FBXO17: variants seen among roughly 807,000 people sequenced by gnomAD.
The protein encoded by FBXO17 is F-box protein 17.
FBXO17 carries 43 observed loss-of-function variants against 34.1 expected under a neutral mutation model. The ratio of observed to expected loss-of-function variants is 1.26; its 90% CI spans 0.99 to 1.62. FBXO17 has a LOEUF of 1.62. FBXO17 is among the 40% of genes most tolerant of loss of function. The probability of loss-of-function intolerance (pLI) is 0.00; values close to 1 mark genes in which losing one functional copy is unlikely to be tolerated. For synonymous variants in FBXO17, 169 were observed against 166.0 expected (o/e 1.02, Z -0.14); for missense variants, 424 against 386.7 (o/e 1.10, Z -0.81).
chr19:38,957,866 T>G (rs886299606), intron 1 of FBXO17, among the ~76,000 whole-genome samples: 26 of 151,224 alleles, frequency 1.7e-4, no homozygotes, highest in Non-Finnish European at 3.1e-4. Context: ...CTTTGGGAGG[T>G]GGAGGCGGGA....
chr19:38,942,521 T>C lies in FBXO17; in HGVS notation c.*87A>G. 2 of 1,389,808 alleles carry C rather than the reference T, an allele frequency of 1.4e-6. No individual in the cohort carries two copies. Among genetic ancestry groups the C allele is most frequent in the Non-Finnish European group, 1.9e-6 (2 of 1,059,346 alleles). The allele number at this position is 1,389,808 out of a possible 1,614,324, so 86.1% of individuals were successfully genotyped here. A position where few individuals can be genotyped will look rare whatever the true frequency, so the allele number is the denominator to read the frequency against. ...CAGTGATCCTCCCACCTCGGCCTCC[T>C]GAAGTGCTGGGATTCCACAGGTGTG... On this transcript the variant is annotated 3_prime_UTR_variant, in exon 6 of 6. Coordinates refer to ENST00000292852, the MANE Select transcript of FBXO17 (RefSeq NM_024907.7).
At chr19:38,954,926 TTATTATTATTATTATTA>T (rs1555750714) in intron 1 of FBXO17, among the ~76,000 whole-genome samples, 1 of 135,544 alleles carries the variant, frequency 7.4e-6, no homozygotes, top group Non-Finnish European at 1.6e-5. Flanking sequence ...ATTATTATTA[TTATTATTATTATTATTA>T]TTTTTGAGAC....
At chr19:38,967,950 G>A (rs915596046) in intron 1 of FBXO17, among the ~76,000 whole-genome samples, 1 of 152,142 alleles carries the variant, frequency 6.6e-6, no homozygotes, top group African/African-American at 2.4e-5. Flanking sequence ...ACTGACAGGT[G>A]TAGTCGAGGA....
intron 2 of FBXO17, 193 bp downstream of exon 2, chr19:38,949,778 G>C (rs564942615): frequency 2.9e-6 from 2 of 689,078 alleles, no homozygotes; most frequent in South Asian, 4.1e-5. Flanking sequence ...CCACTCGTTC[G>C]GATTCCCGGC....
chr19:38,956,911 ATG>A (rs1975174859), intron 1 of FBXO17, among the ~76,000 whole-genome samples: 1 of 152,156 alleles, frequency 6.6e-6, no homozygotes, highest in Non-Finnish European at 1.5e-5. Flanking sequence ...TTTAAAAATG[ATG>A]TGTCATAATA....
intron 1 of FBXO17, among the ~76,000 whole-genome samples, chr19:38,961,279 A>T (rs1975245962): frequency 1.5e-5 from 1 of 67,222 alleles, no homozygotes; most frequent in Non-Finnish European, 2.5e-5. Flanking sequence ...ATTGATTTTA[A>T]ATCTTTTTTT....
intron 1 of FBXO17, among the ~76,000 whole-genome samples, chr19:38,961,425 G>A (rs1387295013): frequency 6.6e-6 from 1 of 151,596 alleles, no homozygotes. Flanking sequence ...ACAAGCGTGC[G>A]CCACCACACC....
chr19:38,970,541 G>T lies in FBXO17; in HGVS notation c.-18+5045C>A, dbSNP rs1356155534. On this transcript the variant is annotated intron_variant, in intron 1 of 5. Transcript: ENST00000292852. ...CTTCGTGTGTGAGGATGTCCCCTCT[G>T]CAAGATGGGAAATATGCAGGTCCAC... Among the ~76,000 whole-genome samples the T allele has an allele frequency of 2.0e-5, 3 of 152,232 alleles. No individual in the cohort carries two copies. The East Asian group carries it at 5.8e-4, about 29-fold the overall frequency.
At position 38,948,597 on chromosome 19, in the gene FBXO17, G is replaced by A. The variant is rs752228599; in HGVS notation, c.431C>T (p.Pro144Leu). ...EKNLTPVPGA[P>L]SQTCFVTSFE... is the part of the protein sequence containing the mutation. ...AGAGGTCACGAAGCAGGTCTGCGAAGGAGCCCCAGGCACCGGTGTTAGGTT... is the reference window on the plus strand; with the variant it reads ...AGAGGTCACGAAGCAGGTCTGCGAAAGAGCCCCAGGCACCGGTGTTAGGTT... Residue 144 changes from proline (P) to leucine (L), a missense_variant, in exon 3 of 6, where the codon CCT becomes CTT. Physicochemically the swap from Pro to Leu is moderately conservative, Grantham distance 98. Transcript: ENST00000292852. 1.5e-5 allele frequency: 24 copies of A among 1,614,050 alleles called. No homozygotes were observed. The South Asian group carries it at 2.3e-4, about 16-fold the overall frequency.
chr19:38,944,846 A>C, intron 5 of FBXO17, 123 bp downstream of exon 5: 1 of 1,394,906 alleles, frequency 7.2e-7, no homozygotes, highest in South Asian at 1.4e-5. Flanking sequence ...GAAGGGCTCG[A>C]TACTTCTTAG....
At chr19:38,945,322 GCCA>G in intron 4 of FBXO17, 1 of 570,346 alleles carries the variant, frequency 1.8e-6, no homozygotes, top group East Asian at 3.2e-5. Flanking sequence ...CTGGGGAGGA[GCCA>G]GAGCCTGGGG....
chr19:38,945,184 C>A, intron 4 of FBXO17, 80 bp from the exon 5 acceptor site: 1 of 1,571,126 alleles, frequency 6.4e-7, no homozygotes, highest in Non-Finnish European at 8.6e-7. Flanking sequence ...TGAGGGCTGG[C>A]TCCATCTTGA....
intron 2 of FBXO17, among the ~76,000 whole-genome samples, chr19:38,949,037 C>T (rs988854124): frequency 3.3e-5 from 5 of 152,182 alleles, no homozygotes; most frequent in Admixed American, 1.3e-4. Context: ...TCAAGCGATC[C>T]TCCCACATCA....
chr19:38,946,820 G>T, intron 3 of FBXO17: 1 of 527,622 alleles, frequency 1.9e-6, no homozygotes, highest in Non-Finnish European at 3.4e-6. Flanking sequence ...TCATCTTTGT[G>T]GGACAGGACA....
chr19:38,972,155 T>C (rs1053568071), intron 1 of FBXO17, among the ~76,000 whole-genome samples: 1 of 152,190 alleles, frequency 6.6e-6, no homozygotes, highest in African/African-American at 2.4e-5. Flanking sequence ...GCCTCCATTT[T>C]ACAAAACAGA....
At chr19:38,962,698 C>A (rs1241164190) in intron 1 of FBXO17, among the ~76,000 whole-genome samples, 1 of 151,386 alleles carries the variant, frequency 6.6e-6, no homozygotes, top group Non-Finnish European at 1.5e-5. Flanking sequence ...TCTGCTATTT[C>A]TTTCTTTCTT....
At chr19:38,948,182 G>C (rs1207122679) in intron 3 of FBXO17, among the ~76,000 whole-genome samples, 1 of 151,352 alleles carries the variant, frequency 6.6e-6, no homozygotes, top group Non-Finnish European at 1.5e-5. Context: ...CCCCCTGTTG[G>C]CCAGGCTGGT....
At chr19:38,973,560 A>AC (rs1187655725) in intron 1 of FBXO17, among the ~76,000 whole-genome samples, 1 of 132,984 alleles carries the variant, frequency 7.5e-6, no homozygotes, top group African/African-American at 2.6e-5. Flanking sequence ...AAAAGAGATT[A>AC]CATACTTTTA....
chr19:38,968,884 G>A (rs1242809545), intron 1 of FBXO17, among the ~76,000 whole-genome samples: 1 of 152,118 alleles, frequency 6.6e-6, no homozygotes, highest in African/African-American at 2.4e-5. Flanking sequence ...GTTGCCTTGG[G>A]CTAGGCTGGG....
Sources: gnomAD v4.1 joint callset for allele counts (sites outside exome capture counted in the v4.1 genomes callset) on GRCh38, gnomAD v4.1.1 for gene constraint, MANE v1.5 for transcripts, NCBI Gene and HGNC (gene_info 2026-07-23, HGNC 2026-07-21) for gene names.